The following C2CD3 variants were observed in gnomAD, a reference collection of about 807,000 sequenced individuals.
C2CD3 encodes the protein C2 domain-containing protein 3.
A neutral mutation model predicts 234.0 loss-of-function variants in C2CD3; 148 were observed. The ratio of observed to expected loss-of-function variants is 0.63; its 90% CI spans 0.55 to 0.72. C2CD3 has a LOEUF of 0.72. C2CD3 is among the 30% of genes least tolerant of loss of function. C2CD3 has a pLI of 0.00. For missense variants in C2CD3, 2,577 were observed against 2,811.5 expected (o/e 0.92, Z 1.89); for synonymous variants, 1,000 against 1,035.4 (o/e 0.97, Z 0.66).
chr11:74,037,792 G>C (rs1952813902), intron 29 of C2CD3, 94 bp from the exon 30 acceptor site: 1 of 903,724 alleles, frequency 1.1e-6, no homozygotes, highest in African/African-American at 1.6e-5. Context: ...TTGAGCCAAA[G>C]CCTTAATACC....
At chr11:74,150,461 C>T (rs965335062) in intron 3 of C2CD3, among the ~76,000 whole-genome samples, 2 of 122,106 alleles carry the variant, frequency 1.6e-5, no homozygotes, top group African/African-American at 6.2e-5. Context: ...GCACTCCAGC[C>T]TGGGCTGGGC....
chr11:74,055,374 A>C (rs1302715865), intron 25 of C2CD3, among the ~76,000 whole-genome samples: 1 of 139,130 alleles, frequency 7.2e-6, no homozygotes, highest in Non-Finnish European at 1.5e-5. Flanking sequence ...CAATACATTT[A>C]TATATTACAT....
intron 20 of C2CD3, among the ~76,000 whole-genome samples, chr11:74,088,424 G>A (rs150412998): frequency 6.6e-6 from 1 of 152,310 alleles, no homozygotes; most frequent in African/African-American, 2.4e-5. Context: ...ACCATGCATT[G>A]TCTCACATCC....
At chr11:74,022,356 G>T (rs529646258) in intron 32 of C2CD3, among the ~76,000 whole-genome samples, 1 of 152,246 alleles carries the variant, frequency 6.6e-6, no homozygotes, top group East Asian at 1.9e-4. Context: ...GGTGGCAGAG[G>T]AAGTATGCAA....
intron 24 of C2CD3, among the ~76,000 whole-genome samples, chr11:74,061,207 A>G (rs1282126016): frequency 6.6e-6 from 1 of 152,240 alleles, no homozygotes; most frequent in Non-Finnish European, 1.5e-5. Context: ...ACTCTTCAGA[A>G]TATTATCCAG....
chr11:74,020,670 T>C (rs1212859213), intron 32 of C2CD3, among the ~76,000 whole-genome samples: 1 of 152,072 alleles, frequency 6.6e-6, no homozygotes, highest in African/African-American at 2.4e-5. Flanking sequence ...GAACTGTGAG[T>C]TCCCCGAGGG....
At chr11:74,170,713 C>A in intron 1 of C2CD3, 25 bp downstream of exon 1, 1 of 1,614,134 alleles carries the variant, frequency 6.2e-7, no homozygotes, top group South Asian at 1.1e-5. Context: ...TTACGCTTTC[C>A]TCAATCTTTG....
At chr11:74,144,118 CAA>C (rs569901534) in intron 3 of C2CD3, among the ~76,000 whole-genome samples, 312 of 152,000 alleles carry the variant, frequency 2.1e-3, no homozygotes, top group African/African-American at 6.9e-3. Flanking sequence ...TGAAAGAGAA[CAA>C]GAGACATTAA....
intron 30 of C2CD3, 149 bp from the exon 31 acceptor site, chr11:74,034,427 C>A: frequency 6.6e-7 from 1 of 1,525,158 alleles, no homozygotes; most frequent in Non-Finnish European, 8.8e-7. Flanking sequence ...TTCAGTGAGA[C>A]TATATTCAAG....
intron 24 of C2CD3, among the ~76,000 whole-genome samples, chr11:74,073,775 T>C (rs1954907900): frequency 2.0e-5 from 3 of 152,160 alleles, no homozygotes; most frequent in Admixed American, 2.0e-4. Context: ...ATATTCATAA[T>C]GAGAGGAAAT....
At chr11:74,086,986 T>C (rs774136313) in intron 20 of C2CD3, among the ~76,000 whole-genome samples, 1 of 152,240 alleles carries the variant, frequency 6.6e-6, no homozygotes, top group Non-Finnish European at 1.5e-5. Flanking sequence ...GGATAAGTTA[T>C]TCAACCTCCT....
chr11:74,162,447 C>T (rs899578498), intron 2 of C2CD3, among the ~76,000 whole-genome samples: 1 of 152,052 alleles, frequency 6.6e-6, no homozygotes, highest in East Asian at 1.9e-4. Flanking sequence ...TTACCATGTG[C>T]ATGTATTTCC....
chr11:74,060,600 A>G (rs1954187741), intron 24 of C2CD3, among the ~76,000 whole-genome samples: 1 of 152,224 alleles, frequency 6.6e-6, no homozygotes, highest in South Asian at 2.1e-4. Flanking sequence ...GGACATCCAC[A>G]CCAAAACCCC....
chr11:74,020,919 G>C (rs1685338), intron 32 of C2CD3, among the ~76,000 whole-genome samples: 4,076 of 152,302 alleles, frequency 0.027, 188 homozygotes, highest in African/African-American at 0.093. Context: ...TGCTGTATGG[G>C]GAATGGGTTG....
At position 74,139,789 on chromosome 11, in the gene C2CD3, T is replaced by C. The variant is rs768231788; in HGVS notation, c.523A>G (p.Ser175Gly). The part of the protein sequence containing the change: ...ALEPLSETYD[S>G]YHPLPTTDMT... Reference sequence around the variant, plus strand: ...TCAGTGGTAGGAAGTGGATGGTAGCTGTCGTAAGTTTCTGACAGAGGTTCC... The same window carrying C: ...TCAGTGGTAGGAAGTGGATGGTAGCCGTCGTAAGTTTCTGACAGAGGTTCC... Residue 175 changes from serine (S) to glycine (G), a missense_variant, in exon 4 of 33, where the codon AGC becomes GGC. Physicochemically the swap from Ser to Gly is moderately conservative, Grantham distance 56 (BLOSUM62 0). Transcript: ENST00000334126. The C allele has an allele frequency of 3.7e-6, 6 of 1,613,690 alleles. No individual in the cohort carries two copies. The Admixed American group carries it at 1.0e-4, about 27-fold the overall frequency.
intron 9 of C2CD3, among the ~76,000 whole-genome samples, chr11:74,117,461 C>T (rs893041054): frequency 1.4e-5 from 2 of 145,684 alleles, no homozygotes; most frequent in African/African-American, 5.1e-5. Flanking sequence ...GAATTGGAGA[C>T]CATTTTTCTA....
At chr11:74,164,510 G>A (rs1041027640) in intron 2 of C2CD3, among the ~76,000 whole-genome samples, 2 of 152,122 alleles carry the variant, frequency 1.3e-5, no homozygotes, top group Non-Finnish European at 1.5e-5. Context: ...GGGTAACCTT[G>A]GGTTAGTTAC....
At chr11:74,123,573 G>T (rs772279253) in intron 7 of C2CD3, among the ~76,000 whole-genome samples, 1 of 151,948 alleles carries the variant, frequency 6.6e-6, no homozygotes, top group Non-Finnish European at 1.5e-5. Flanking sequence ...ACAAAAATAC[G>T]TGTATTTAGG....
chr11:74,081,603 C>T (rs1955364370), intron 22 of C2CD3, among the ~76,000 whole-genome samples: 1 of 103,872 alleles, frequency 9.6e-6, no homozygotes, highest in African/African-American at 4.6e-5. Context: ...TTGCCATATT[C>T]TTCATCATCA....
Sources: gnomAD v4.1 joint callset for allele counts (sites outside exome capture counted in the v4.1 genomes callset) on GRCh38, gnomAD v4.1.1 for gene constraint, MANE v1.5 for transcripts, NCBI Gene and HGNC (gene_info 2026-07-23, HGNC 2026-07-21) for gene names.